Variants in SLC13A1 observed in about 807,000 individuals in gnomAD.
The protein encoded by SLC13A1 is Na(+)/sulfate cotransporter.
Under a neutral mutation model 70.0 loss-of-function variants are expected in SLC13A1, and 65 were observed. The ratio of observed to expected loss-of-function variants is 0.93; its 90% CI spans 0.76 to 1.14. The LOEUF is 1.14. SLC13A1 is among the 50% of genes most tolerant of loss of function. SLC13A1 has a pLI of 0.00. For synonymous variants in SLC13A1, 275 were observed against 250.5 expected, an observed-to-expected ratio of 1.10 and a Z score of -0.92; for missense variants, 726 against 717.8, an observed-to-expected ratio of 1.01 and a Z score of -0.13.
At chr7:123,151,709 A>G (rs1345672884) in intron 6 of SLC13A1, among the ~76,000 whole-genome samples, 1 of 152,126 alleles carries the variant, frequency 6.6e-6, no homozygotes, top group African/African-American at 2.4e-5. Flanking sequence ...GAGCCTGAAA[A>G]TGACAGACTT....
chr7:123,138,821 C>T (rs1257142871), intron 7 of SLC13A1, among the ~76,000 whole-genome samples: 3 of 151,754 alleles, frequency 2.0e-5, no homozygotes, highest in Admixed American at 6.6e-5. Context: ...ATTAATACTT[C>T]GTTAGATGGA....
rs915499595 is a variant in SLC13A1 at position 123,131,313 on chromosome 7, A to G, written c.933-1832T>C. On this transcript the variant is annotated intron_variant, in intron 8 of 14. Coordinates refer to ENST00000194130, the MANE Select transcript of SLC13A1 (RefSeq NM_022444.4). ...AAACTAATTAATGTGCCACCTAGAG[A>G]GCAATCTGTAGAAGAGAAAATCATA... Among the ~76,000 whole-genome samples the G allele has an allele frequency of 2.0e-5, 3 of 152,148 alleles. 1 individual carries two copies. Among genetic ancestry groups the G allele is most frequent in the South Asian group, 4.1e-4 (2 of 4,820 alleles).
chr7:123,177,795 A>G (rs1332624933), intron 2 of SLC13A1, among the ~76,000 whole-genome samples: 1 of 152,078 alleles, frequency 6.6e-6, no homozygotes, highest in Non-Finnish European at 1.5e-5. Flanking sequence ...ATCCTGTTGC[A>G]TCTTTTCCAT....
intron 1 of SLC13A1, among the ~76,000 whole-genome samples, chr7:123,196,755 C>T (rs1469687863): frequency 4.1e-4 from 62 of 152,086 alleles, no homozygotes; most frequent in Admixed American, 4.1e-3. Flanking sequence ...TTCTGTTTGG[C>T]CTGTCTAAAG....
chr7:123,185,272 T>C (rs561812410), intron 1 of SLC13A1, among the ~76,000 whole-genome samples: 2 of 152,204 alleles, frequency 1.3e-5, no homozygotes, highest in African/African-American at 4.8e-5. Flanking sequence ...AGTGAAGAAG[T>C]TTTATTAGTA....
rs751470016 is a variant in SLC13A1, at chr7:123,119,183, T to A, written c.1410A>T (p.Ala470=). The change falls in exon 13 of 15, where the codon GCA becomes GCT. Residue 470 remains alanine (A), a synonymous_variant. Transcript: ENST00000194130. The stretch of plus-strand genomic sequence containing the variant: ...AAGAAGATATCAGAATTATTAGCCA[T>A]GCTGGTAATGAACCCAGAGGAGATA... The part of the protein sequence containing the change: ...NKLSPLGSLP[A]WLIILISSLM... 8.7e-6 allele frequency: 14 copies of A among 1,612,450 alleles called. No individual in the cohort carries two copies. Among genetic ancestry groups the A allele is most frequent in the Non-Finnish European group, 1.2e-5 (14 of 1,178,848 alleles).
chr7:123,132,342 G>A (rs896734477), intron 8 of SLC13A1, among the ~76,000 whole-genome samples: 1 of 152,056 alleles, frequency 6.6e-6, no homozygotes, highest in Admixed American at 6.6e-5. Flanking sequence ...CCACAGGCAT[G>A]GAACCACTAC....
At chr7:123,153,791 T>C (rs1412179630) in intron 6 of SLC13A1, among the ~76,000 whole-genome samples, 1 of 152,096 alleles carries the variant, frequency 6.6e-6, no homozygotes, top group Non-Finnish European at 1.5e-5. Context: ...GATATTTATG[T>C]GAAGTGAAAA....
At chr7:123,147,037 G>A (rs1200523755) in intron 7 of SLC13A1, 122 bp downstream of exon 7, 5 of 947,382 alleles carry the variant, frequency 5.3e-6, no homozygotes, top group South Asian at 1.7e-5. Context: ...ATGTCCTGAA[G>A]GGAAACAAGG....
chr7:123,140,806 C>T (rs1245193723), intron 7 of SLC13A1, among the ~76,000 whole-genome samples: 1 of 151,884 alleles, frequency 6.6e-6, no homozygotes, highest in African/African-American at 2.4e-5. Flanking sequence ...ATATTTGGAT[C>T]TTTTCTCTTG....
At chr7:123,177,216 A>G (rs114649129) in intron 2 of SLC13A1, among the ~76,000 whole-genome samples, 23 of 152,172 alleles carry the variant, frequency 1.5e-4, no homozygotes, top group African/African-American at 5.1e-4. Flanking sequence ...GGCATCTTTG[A>G]CACTTTTCTT....
chr7:123,190,313 C>A, intron 1 of SLC13A1: 1 of 330,354 alleles, frequency 3.0e-6, no homozygotes, highest in South Asian at 2.5e-5. Flanking sequence ...CAATGTGATG[C>A]AGACTGGCTT....
At chr7:123,149,908 T>C (rs1465466755) in intron 6 of SLC13A1, among the ~76,000 whole-genome samples, 1 of 152,166 alleles carries the variant, frequency 6.6e-6, no homozygotes, top group African/African-American at 2.4e-5. Flanking sequence ...CAATAAATTT[T>C]CTTAAAAAAA....
intron 6 of SLC13A1, 120 bp from the exon 7 acceptor site, chr7:123,147,430 G>C: frequency 8.4e-7 from 1 of 1,190,174 alleles, no homozygotes; most frequent in Non-Finnish European, 1.2e-6. Flanking sequence ...TGATGTGATT[G>C]TATTTGGCAA....
At position 123,180,384 on chromosome 7, in the gene SLC13A1, A is replaced by C. The variant is rs182839781; in HGVS notation, c.228+589T>G. ...AGATTGTTTCAGCTGTGGTTTAGACAGTTGTTCACTGGGTGGCTGGAGACT... is the reference window on the plus strand; with the variant it reads ...AGATTGTTTCAGCTGTGGTTTAGACCGTTGTTCACTGGGTGGCTGGAGACT... On this transcript the variant is annotated intron_variant, in intron 2 of 14. Coordinates refer to ENST00000194130, the MANE Select transcript of SLC13A1 (RefSeq NM_022444.4). Among the ~76,000 whole-genome samples, 711 of 152,206 alleles carry C rather than the reference A, an allele frequency of 4.7e-3. 5 individuals carry two copies. The highest frequency in any genetic ancestry group is 0.016 in the African/African-American group (667 of 41,550).
chr7:123,192,261 A>G (rs1419028373), intron 1 of SLC13A1, among the ~76,000 whole-genome samples: 2 of 152,266 alleles, frequency 1.3e-5, no homozygotes, highest in Non-Finnish European at 2.9e-5. Flanking sequence ...ATCTTGTCTT[A>G]ACCACCTCAA....
chr7:123,117,447 T>C lies in SLC13A1; in HGVS notation c.1650+24A>G, dbSNP rs1445639366. 1.9e-6 allele frequency: 3 copies of C among 1,602,392 alleles called. 1 individual carries two copies. The highest frequency in any genetic ancestry group is 3.4e-5 in the Admixed American group (2 of 58,344). On this transcript the variant is annotated intron_variant, in intron 14 of 14. Transcript: ENST00000194130. ...ACACCAAGATGTGTATTGGATTTGA[T>C]AGTATTTTTTTCAGCTAACTCACCA...
In SLC13A1 at chr7:123,134,453, G is replaced by A. The variant is rs759348104; in HGVS notation, c.889C>T (p.Leu297Phe). 1.9e-5 allele frequency: 31 copies of A among 1,613,276 alleles called. No homozygotes were observed. Among genetic ancestry groups the A allele is most frequent in the Non-Finnish European group, 1.6e-5 (19 of 1,179,502 alleles). The change falls in exon 8 of 15, where the codon CTC (leucine) becomes TTC (phenylalanine). Residue 297 changes from leucine (L) to phenylalanine (F), a missense_variant. By Grantham distance (22) the Leu-to-Phe change is conservative (BLOSUM62 0). Transcript: ENST00000194130. ...CACTGAAGCCAGATCCAGGATAAGA[G>A]TAGAATGATAAGGGCAGCTGGGAAG... is the stretch of plus-strand genomic sequence containing the variant. ...FSFPAALIIL[L>F]LSWIWLQWLF...
chr7:123,133,166 A>T (rs57524335), intron 8 of SLC13A1, among the ~76,000 whole-genome samples: 47,238 of 152,026 alleles, frequency 0.31, 8,423 homozygotes, highest in Non-Finnish European at 0.4. Flanking sequence ...AGACACTGAG[A>T]CTGAGAATGG....
Sources: allele counts gnomAD v4.1 joint callset (sites outside exome capture counted in the v4.1 genomes callset), GRCh38; gene constraint gnomAD v4.1.1; transcripts MANE v1.5; gene names NCBI Gene and HGNC (gene_info 2026-07-23, HGNC 2026-07-21).